TMED10: variants seen among roughly 807,000 people sequenced by gnomAD.
The protein encoded by TMED10 is transmembrane emp24 domain-containing protein 10.
In TMED10, 7 loss-of-function variants were observed where a neutral mutation model predicts 23.1. The observed-to-expected ratio is 0.30, with a 90% CI of 0.17 to 0.57. The LOEUF (loss-of-function observed/expected upper bound fraction) is 0.57. Ranked by LOEUF, TMED10 falls within the 20% of genes least tolerant of loss-of-function variation. The probability of loss-of-function intolerance (pLI) is 0.91; values close to 1 mark genes in which losing one functional copy is unlikely to be tolerated. For synonymous variants in TMED10, 113 were observed against 106.9 expected, an observed-to-expected ratio of 1.06 and a Z score of -0.35; for missense variants, 162 against 274.8, an observed-to-expected ratio of 0.59 and a Z score of 2.90.
chr14:75,147,822 A>G, intron 2 of TMED10, 85 bp from the exon 3 acceptor site: 1 of 931,894 alleles, frequency 1.1e-6, no homozygotes, highest in South Asian at 1.5e-5. Context: ...CTCCCTCTAC[A>G]GAACCCCTAC....
intron 1 of TMED10, among the ~76,000 whole-genome samples, chr14:75,164,976 TGC>T (rs2139856705): frequency 6.6e-6 from 1 of 152,188 alleles, no homozygotes; most frequent in East Asian, 1.9e-4. Context: ...TCCAAGATGA[TGC>T]CAGCTTTTCC....
At chr14:75,144,173 T>C (rs1379512410) in intron 3 of TMED10, among the ~76,000 whole-genome samples, 3 of 152,216 alleles carry the variant, frequency 2.0e-5, no homozygotes, top group Non-Finnish European at 4.4e-5. Context: ...AGATAGCTCC[T>C]TCTTTGTCGG....
Position 75,154,964 on chromosome 14 carries a change from T to C in TMED10, c.226-2821A>G, listed in dbSNP as rs751021604. Among the ~76,000 whole-genome samples, 11 of 116,130 alleles carry C rather than the reference T, an allele frequency of 9.5e-5. No homozygotes were observed. The East Asian group carries it at 2.0e-3, about 22-fold the overall frequency. The allele number at this position is 116,130 out of a possible 152,430, so 76.2% of individuals were successfully genotyped here. A position where few individuals can be genotyped will look rare whatever the true frequency, so the allele number is the denominator to read the frequency against. ...AAGTGTAAGCCATCTCACCTGGCCC[T>C]TTTTTTTTTTTTGAGACAGAGTCTC... On this transcript the variant is annotated intron_variant, in intron 1 of 4. Transcript: ENST00000303575.
Position 75,133,873 on chromosome 14 carries a change from G to T in TMED10, c.*1012C>A. ...TGCAATATATGCATGTAAGAAATCT[G>T]TACTTATACCCCCTAAATATATAAA... On this transcript the variant is annotated 3_prime_UTR_variant, in exon 5 of 5. Coordinates refer to ENST00000303575, the MANE Select transcript of TMED10 (RefSeq NM_006827.6). 1 of 326,436 alleles carries T rather than the reference G, an allele frequency of 3.1e-6. No individual in the cohort carries two copies. The allele number at this position is 326,436 out of a possible 1,614,324, so 20.2% of individuals were successfully genotyped here.
chr14:75,165,987 T>A (rs1370499014), intron 1 of TMED10, among the ~76,000 whole-genome samples: 2 of 55,086 alleles, frequency 3.6e-5, no homozygotes, highest in African/African-American at 6.9e-5. Flanking sequence ...GGGGGAGGAG[T>A]GGGGGGGTAA....
Position 75,176,465 on chromosome 14 carries a change from T to A in TMED10, c.115A>T (p.Asn39Tyr). The change falls in exon 1 of 5, where the codon AAC (asparagine) becomes TAC (tyrosine). Residue 39 changes from asparagine (N) to tyrosine (Y), a missense_variant. By Grantham distance (143) the Asn-to-Tyr change is moderately radical. This residue lies in a region of TMED10 where 126 missense variants were observed against 239.5 expected (regional missense o/e 0.53). Transcript: ENST00000303575. Reference protein sequence around the residue: ...VLAISFHLPINSRKCLREEIH... With the variant: ...VLAISFHLPIYSRKCLREEIH... ...TCCTCACGGAGGCACTTGCGAGAGT[T>A]AATGGGCAGATGGAAGGAGATGGCA... The A allele has an allele frequency of 6.2e-7, 1 of 1,614,088 alleles. No individual in the cohort carries two copies. The highest frequency in any genetic ancestry group is 8.5e-7 in the Non-Finnish European group (1 of 1,180,028).
At position 75,134,767 on chromosome 14, in the gene TMED10, G is replaced by C; in HGVS notation, c.*118C>G. The C allele has an allele frequency of 7.1e-7, 1 of 1,403,298 alleles. No homozygotes were observed. Among genetic ancestry groups the C allele is most frequent in the Non-Finnish European group, 9.9e-7 (1 of 1,014,394 alleles). The allele number at this position is 1,403,298 out of a possible 1,614,324, so 86.9% of individuals were successfully genotyped here. Reference sequence around the variant, plus strand: ...TCCCACACCAAAAGAGATCAGTTCTGGCAAGAAAGCTCCAACGTGCCTTGA... The same window carrying C: ...TCCCACACCAAAAGAGATCAGTTCTCGCAAGAAAGCTCCAACGTGCCTTGA... On this transcript the variant is annotated 3_prime_UTR_variant, in exon 5 of 5. Transcript: ENST00000303575.
intron 3 of TMED10, 92 bp downstream of exon 3, chr14:75,147,572 G>C: frequency 7.7e-7 from 1 of 1,301,616 alleles, no homozygotes; most frequent in Non-Finnish European, 1.1e-6. Flanking sequence ...ACAGCCCTTT[G>C]GGCAAAGCAC....
intron 1 of TMED10, chr14:75,176,024 AC>A (rs1271004113): frequency 5.4e-6 from 2 of 373,044 alleles, no homozygotes; most frequent in African/African-American, 4.3e-5. Context: ...AATATTCAAC[AC>A]CCCAACATTT....
chr14:75,175,730 TAAAGTA>T (rs1173065333), intron 1 of TMED10, among the ~76,000 whole-genome samples: 1 of 151,628 alleles, frequency 6.6e-6, no homozygotes, highest in African/African-American at 2.4e-5. Context: ...CCCTAGAACT[TAAAGTA>T]TAATAATAAT....
chr14:75,139,036 C>A, intron 3 of TMED10: 1 of 358,512 alleles, frequency 2.8e-6, no homozygotes. Context: ...AAAATTTAAA[C>A]TATCCAGAAG....
chr14:75,154,638 C>T (rs947890904), intron 1 of TMED10, among the ~76,000 whole-genome samples: 1 of 151,762 alleles, frequency 6.6e-6, no homozygotes, highest in Admixed American at 6.6e-5. Flanking sequence ...GCACCATTTG[C>T]TAATTTGTCA....
Position 75,135,710 on chromosome 14 carries a change from C to G in TMED10, c.538+50G>C, listed in dbSNP as rs745486827. ...TACACCAGAATTGAAAGTTTGGAGA[C>G]TGTCTCATTTATGGGTCACTTAAGA... On this transcript the variant is annotated intron_variant, in intron 4 of 4. Transcript: ENST00000303575. The G allele has an allele frequency of 5.0e-5, 79 of 1,595,312 alleles. No individual in the cohort carries two copies. The South Asian group carries it at 6.7e-4, about 14-fold the overall frequency.
At position 75,176,564 on chromosome 14, in the gene TMED10, C is replaced by T. The variant is rs1474168553; in HGVS notation, c.16G>A (p.Gly6Ser). 6.2e-7 allele frequency: 1 copy of T among 1,613,992 alleles called. No homozygotes were observed. Among genetic ancestry groups the T allele is most frequent in the Non-Finnish European group, 8.5e-7 (1 of 1,180,024 alleles). Residue 6 changes from glycine (G) to serine (S), a missense_variant, in exon 1 of 5, where the codon GGC (glycine) becomes AGC (serine). Gly to Ser is a moderately conservative substitution (Grantham distance 56). Around this residue, in one of 2 missense-constraint regions of TMED10, gnomAD observed 36 missense variants for 35.2 expected, o/e 1.02. Transcript: ENST00000303575. ...AAAGGGCCGCGCCGGGCTGGTGGGC[C>T]AGACAAACCAGACATGGTGCTGGAG... is the stretch of plus-strand genomic sequence containing the variant. MSGLSGPPARRGPFPL... is the reference protein window; with the variant it reads MSGLSSPPARRGPFPL...
intron 1 of TMED10, among the ~76,000 whole-genome samples, chr14:75,163,171 G>C (rs1223116399): frequency 6.6e-6 from 1 of 152,144 alleles, no homozygotes; most frequent in Non-Finnish European, 1.5e-5. Context: ...GATCCCAGGA[G>C]GTCAAGGCTG....
chr14:75,168,126 T>C (rs1203154704), intron 1 of TMED10, among the ~76,000 whole-genome samples: 2 of 152,136 alleles, frequency 1.3e-5, no homozygotes, highest in Non-Finnish European at 2.9e-5. Flanking sequence ...TTTCAATCCA[T>C]TTATCTCTCT....
intron 3 of TMED10, among the ~76,000 whole-genome samples, chr14:75,142,881 T>TA (rs1220194645): frequency 2.4e-4 from 36 of 152,196 alleles, no homozygotes; most frequent in Middle Eastern, 3.4e-3. Flanking sequence ...TTTTTTGAGA[T>TA]AGAGTTTTGC....
chr14:75,172,179 A>C (rs1896242233), intron 1 of TMED10, among the ~76,000 whole-genome samples: 1 of 152,198 alleles, frequency 6.6e-6, no homozygotes, highest in Admixed American at 6.5e-5. Context: ...GCAAGGATAA[A>C]AAAGGAGGTG....
intron 3 of TMED10, among the ~76,000 whole-genome samples, chr14:75,137,546 G>T (rs933691395): frequency 3.3e-5 from 5 of 149,950 alleles, no homozygotes; most frequent in African/African-American, 1.2e-4. Flanking sequence ...GTGGTGGCGG[G>T]CGCCTGTAGT....
Sources: gnomAD v4.1 joint callset for allele counts (sites outside exome capture counted in the v4.1 genomes callset) on GRCh38, gnomAD v4.1.1 for gene constraint, gnomAD v4.1.1 regional missense constraint, MANE v1.5 for transcripts, NCBI Gene and HGNC (gene_info 2026-07-23, HGNC 2026-07-21) for gene names.